GRM3: variants seen among roughly 807,000 people sequenced by gnomAD.
The protein encoded by GRM3 is metabotropic glutamate receptor 3.
GRM3 carries 26 observed loss-of-function variants against 70.5 expected under a neutral mutation model. That is an observed-to-expected ratio of 0.37 (90% CI 0.27 to 0.51). The LOEUF is 0.51. Ranked by LOEUF, GRM3 falls within the 20% of genes least tolerant of loss-of-function variation. The pLI, the probability that GRM3 is intolerant of heterozygous loss-of-function variation, is 0.93. For missense variants in GRM3, 859 were observed against 1,123.8 expected (o/e 0.76, Z 3.37); for synonymous variants, 443 against 434.9 (o/e 1.02, Z -0.23).
At chr7:86,852,547 A>G (rs186070025) in intron 5 of GRM3, among the ~76,000 whole-genome samples, 7 of 152,310 alleles carry the variant, frequency 4.6e-5, no homozygotes, top group Non-Finnish European at 1.0e-4. Context: ...TTAGTACTTC[A>G]AGACAGGTGT....
intron 1 of GRM3, among the ~76,000 whole-genome samples, chr7:86,701,610 A>T (rs1291751989): frequency 6.6e-6 from 1 of 151,878 alleles, no homozygotes; most frequent in African/African-American, 2.4e-5. Context: ...GATTTTATTA[A>T]ATCTAATTTA....
At chr7:86,843,458 G>C (rs1230381723) in intron 4 of GRM3, among the ~76,000 whole-genome samples, 3 of 152,102 alleles carry the variant, frequency 2.0e-5, no homozygotes, top group Admixed American at 2.0e-4. Context: ...AATTCAGTCA[G>C]AAAAAAATTT....
chr7:86,799,461 T>C lies in GRM3; in HGVS notation c.1324+12345T>C, dbSNP rs528644803. On this transcript the variant is annotated intron_variant, in intron 3 of 5. Coordinates refer to ENST00000361669, the MANE Select transcript of GRM3 (RefSeq NM_000840.3). ...AGGGAATGCTTCCAGCTTTTGCCCA[T>C]TCAGTATGATATTGCCTATGGGTTT... Among the ~76,000 whole-genome samples the C allele has an allele frequency of 1.4e-4, 21 of 152,342 alleles. No homozygotes were observed. In the East Asian group the frequency reaches 3.9e-3, roughly 28 times the overall value.
At chr7:86,700,464 C>T (rs1044483035) in intron 1 of GRM3, among the ~76,000 whole-genome samples, 8 of 151,838 alleles carry the variant, frequency 5.3e-5, no homozygotes, top group Non-Finnish European at 1.0e-4. Context: ...CGGAAGAAGC[C>T]TCACATCAGT....
intron 3 of GRM3, among the ~76,000 whole-genome samples, chr7:86,794,657 A>T (rs1005888048): frequency 1.3e-5 from 2 of 152,054 alleles, no homozygotes; most frequent in Non-Finnish European, 2.9e-5. Context: ...ACTTCTTATC[A>T]CTTTATGTGA....
At chr7:86,741,978 T>TA (rs111837550) in intron 1 of GRM3, among the ~76,000 whole-genome samples, 6,976 of 152,260 alleles carry the variant, frequency 0.046, 335 homozygotes, top group African/African-American at 0.12. Flanking sequence ...CTTAAAATGA[T>TA]ACATTAATTT....
At chr7:86,657,556 G>T (rs1387844226) in intron 1 of GRM3, among the ~76,000 whole-genome samples, 1 of 152,136 alleles carries the variant, frequency 6.6e-6, no homozygotes, top group African/African-American at 2.4e-5. Flanking sequence ...TGGGGGTCAG[G>T]GCAGAAGATA....
intron 1 of GRM3, among the ~76,000 whole-genome samples, chr7:86,674,748 T>C (rs1794264193): frequency 6.6e-6 from 1 of 152,114 alleles, no homozygotes; most frequent in African/African-American, 2.4e-5. Flanking sequence ...TCCTTACTCA[T>C]ATATGATTTT....
At chr7:86,817,142 A>G (rs1414588735) in intron 3 of GRM3, among the ~76,000 whole-genome samples, 1 of 130,782 alleles carries the variant, frequency 7.6e-6, no homozygotes, top group African/African-American at 2.9e-5. Flanking sequence ...GGTGTAGATC[A>G]GATTTAACTT....
intron 1 of GRM3, among the ~76,000 whole-genome samples, chr7:86,694,528 AGAAAAG>A (rs1336883214): frequency 1.5e-4 from 11 of 71,272 alleles, no homozygotes; most frequent in Non-Finnish European, 3.1e-4. Flanking sequence ...AAAAAAAAAA[AGAAAAG>A]AAAGAAAGAA....
chr7:86,801,057 ACTT>A (rs1433016897), intron 3 of GRM3, among the ~76,000 whole-genome samples: 3,464 of 135,032 alleles, frequency 0.026, 159 homozygotes, highest in African/African-American at 0.096. Flanking sequence ...ACCACGGCAA[ACTT>A]CTTCTTTTTT....
At chr7:86,710,002 A>T (rs1795156383) in intron 1 of GRM3, 1 of 152,096 alleles carries the variant, frequency 6.6e-6, no homozygotes. Flanking sequence ...TTGCTATTAA[A>T]AAATGGAGCT....
Position 86,688,738 on chromosome 7 carries a change from A to T in GRM3, c.-141+43866A>T, listed in dbSNP as rs924564651. ...TATATATCTCTTACATATATGATAT[A>T]TATATATCGTATATATATATCTCTC... On this transcript the variant is annotated intron_variant, in intron 1 of 5. Coordinates refer to ENST00000361669, the MANE Select transcript of GRM3 (RefSeq NM_000840.3). Among the ~76,000 whole-genome samples, 6 of 148,560 alleles carry T rather than the reference A, an allele frequency of 4.0e-5. No individual in the cohort carries two copies. In the Admixed American group the frequency reaches 4.1e-4, roughly 10 times the overall value.
Position 86,786,579 on chromosome 7 carries a change from C to G in GRM3, c.787C>G (p.Leu263Val), listed in dbSNP as rs769950135. ...RKSYDSVIRE[L>V]LQKPNARVVV... ...GTCCTACGACAGCGTGATCCGAGAA[C>G]TGTTGCAGAAGCCCAACGCGCGCGT... Residue 263 changes from leucine (L) to valine (V), a missense_variant, in exon 3 of 6, where the codon CTG becomes GTG. By Grantham distance (32) the Leu-to-Val change is conservative. Coordinates refer to ENST00000361669, the MANE Select transcript of GRM3 (RefSeq NM_000840.3). This position sits in a 1 kb window ranked among gnomAD's most constrained non-coding sequence, Gnocchi z 6.0. 6.2e-7 allele frequency: 1 copy of G among 1,613,824 alleles called. No individual in the cohort carries two copies. The highest frequency in any genetic ancestry group is 8.5e-7 in the Non-Finnish European group (1 of 1,180,066).
chr7:86,668,676 G>T (rs997090779), intron 1 of GRM3, among the ~76,000 whole-genome samples: 2 of 152,076 alleles, frequency 1.3e-5, no homozygotes, highest in East Asian at 3.9e-4. Context: ...AATATATTCC[G>T]AAAATAGAAT....
chr7:86,752,699 C>G (rs1225393550), intron 1 of GRM3, among the ~76,000 whole-genome samples: 1 of 152,050 alleles, frequency 6.6e-6, no homozygotes, highest in Non-Finnish European at 1.5e-5. Flanking sequence ...GGACCCAAAC[C>G]TCCTATAACT....
At chr7:86,709,939 C>A (rs1374523317) in intron 1 of GRM3, among the ~76,000 whole-genome samples, 1 of 152,028 alleles carries the variant, frequency 6.6e-6, no homozygotes, top group Non-Finnish European at 1.5e-5. Flanking sequence ...GGGACAATTG[C>A]AAAGTTAAGC....
intron 1 of GRM3, among the ~76,000 whole-genome samples, chr7:86,719,239 T>C (rs1795395235): frequency 6.6e-6 from 1 of 152,038 alleles, no homozygotes; most frequent in Non-Finnish European, 1.5e-5. Flanking sequence ...TTATTTAGTA[T>C]AAAATCAAAG....
intron 2 of GRM3, among the ~76,000 whole-genome samples, chr7:86,776,651 A>G (rs1422704480): frequency 3.2e-4 from 48 of 152,160 alleles, no homozygotes; most frequent in Non-Finnish European, 4.4e-5. Flanking sequence ...CATATTTCTC[A>G]TATTATTGTT....
Sources: gnomAD v4.1 joint callset for allele counts (sites outside exome capture counted in the v4.1 genomes callset) on GRCh38, gnomAD v4.1.1 for gene constraint, Gnocchi (gnomAD v3.1) non-coding constraint, MANE v1.5 for transcripts, NCBI Gene and HGNC (gene_info 2026-07-23, HGNC 2026-07-21) for gene names.